Variants in TMCC1 observed in about 807,000 individuals in gnomAD.
The protein encoded by TMCC1 is transmembrane and coiled-coil domain family 1.
Under a neutral mutation model 52.4 loss-of-function variants are expected in TMCC1, and 15 were observed. The observed-to-expected ratio is 0.29, with a 90% CI of 0.19 to 0.44. The LOEUF (loss-of-function observed/expected upper bound fraction) is 0.44. TMCC1 is among the 20% of genes least tolerant of loss of function. The probability of loss-of-function intolerance (pLI) is 1.00; values close to 1 mark genes in which losing one functional copy is unlikely to be tolerated. For missense variants in TMCC1, 503 were observed against 806.0 expected, an observed-to-expected ratio of 0.62 and a Z score of 4.55; for synonymous variants, 279 against 301.9, an observed-to-expected ratio of 0.92 and a Z score of 0.79.
chr3:129,833,743 AT>A (rs935045288), intron 2 of TMCC1, among the ~76,000 whole-genome samples: 12 of 152,174 alleles, frequency 7.9e-5, no homozygotes, highest in Admixed American at 5.9e-4. Context: ...CCAAAAAAAA[AT>A]GTTTTTATTA....
chr3:129,823,643 C>CAAACAAAA (rs1448885525), intron 4 of TMCC1, among the ~76,000 whole-genome samples: 5 of 151,958 alleles, frequency 3.3e-5, no homozygotes, highest in Non-Finnish European at 7.4e-5. Context: ...AACAAACAAA[C>CAAACAAAA]AAACAAAAAA....
chr3:129,716,752 G>A (rs77508678), intron 4 of TMCC1, among the ~76,000 whole-genome samples: 4,518 of 152,084 alleles, frequency 0.03, 98 homozygotes, highest in Middle Eastern at 0.054. Context: ...TCTCCACTGC[G>A]TGCCATTCAT....
chr3:129,702,994 C>G (rs2047955015), intron 4 of TMCC1, among the ~76,000 whole-genome samples: 1 of 152,132 alleles, frequency 6.6e-6, no homozygotes, highest in African/African-American at 2.4e-5. Flanking sequence ...CCAGCCTGAG[C>G]AACAGAGCGA....
intron 4 of TMCC1, among the ~76,000 whole-genome samples, chr3:129,815,797 A>C (rs893247604): frequency 6.6e-6 from 1 of 152,216 alleles, no homozygotes; most frequent in Admixed American, 6.6e-5. Flanking sequence ...AACAATCAAC[A>C]AAGTGAAAAG....
At chr3:129,737,045 A>C (rs537784881) in intron 4 of TMCC1, among the ~76,000 whole-genome samples, 1 of 152,320 alleles carries the variant, frequency 6.6e-6, no homozygotes, top group East Asian at 1.9e-4. Context: ...TATGATCTGC[A>C]TGTCTCCCCA....
In TMCC1 at chr3:129,797,041, A is replaced by T. The variant is rs1365943956; in HGVS notation, c.576+30762T>A. Among the ~76,000 whole-genome samples the T allele has an allele frequency of 2.0e-5, 3 of 152,008 alleles. No individual in the cohort carries two copies. The South Asian group carries it at 6.2e-4, about 32-fold the overall frequency. The stretch of plus-strand genomic sequence containing the variant: ...AAATTTTACCTAAAAAATAACACAC[A>T]TAGGCCAGGCGCGGTGGCTCACGCC... On this transcript the variant is annotated intron_variant, in intron 4 of 6. Coordinates refer to ENST00000393238, the MANE Select transcript of TMCC1 (RefSeq NM_001017395.5).
intron 5 of TMCC1, among the ~76,000 whole-genome samples, chr3:129,655,825 C>T (rs2086632382): frequency 1.3e-5 from 2 of 152,152 alleles, no homozygotes; most frequent in Admixed American, 6.5e-5. Flanking sequence ...TGCCGGTGAT[C>T]GCCTGCCTTG....
intron 4 of TMCC1, among the ~76,000 whole-genome samples, chr3:129,796,165 T>G (rs1384151691): frequency 6.6e-6 from 1 of 152,214 alleles, no homozygotes; most frequent in Admixed American, 6.5e-5. Flanking sequence ...TAGCTATGTT[T>G]AGATACACTA....
chr3:129,789,765 C>A (rs1274661317), intron 4 of TMCC1, among the ~76,000 whole-genome samples: 2 of 152,166 alleles, frequency 1.3e-5, no homozygotes, highest in African/African-American at 4.8e-5. Context: ...CAGGCGTGAG[C>A]CACCGTGCCC....
At chr3:129,718,307 C>T (rs553842628) in intron 4 of TMCC1, among the ~76,000 whole-genome samples, 154 of 152,306 alleles carry the variant, frequency 1.0e-3, no homozygotes, top group African/African-American at 3.5e-3. Context: ...TACTGTGCTA[C>T]TGTACAATTT....
chr3:129,651,197 A>T lies in TMCC1; in HGVS notation c.*284T>A. ...TTTAGATTGCCCTTCGGTGTGCTCC[A>T]GATTGTTGGTTCATATTAAAGGACT... On this transcript the variant is annotated 3_prime_UTR_variant, in exon 7 of 7. Coordinates refer to ENST00000393238, the MANE Select transcript of TMCC1 (RefSeq NM_001017395.5). This position sits in a 1 kb window ranked among gnomAD's most constrained non-coding sequence, Gnocchi z 5.1. 2.6e-6 allele frequency: 1 copy of T among 388,592 alleles called. No homozygotes were observed. Among genetic ancestry groups the T allele is most frequent in the Non-Finnish European group, 4.7e-6 (1 of 212,376 alleles). 24.1% of individuals were successfully genotyped at this position (388,592 alleles called of 1,614,324 possible).
chr3:129,653,924 G>T (rs1353881269), intron 6 of TMCC1, among the ~76,000 whole-genome samples: 3 of 152,082 alleles, frequency 2.0e-5, no homozygotes, highest in African/African-American at 7.2e-5. Flanking sequence ...ACATTAATGA[G>T]TCTAATGTTT....
chr3:129,688,972 T>C (rs1169088235), intron 4 of TMCC1, among the ~76,000 whole-genome samples: 2 of 152,160 alleles, frequency 1.3e-5, no homozygotes, highest in Non-Finnish European at 2.9e-5. Flanking sequence ...GTTCAATAAA[T>C]ACAAAGAAAA....
chr3:129,702,845 G>A (rs138708056), intron 4 of TMCC1, among the ~76,000 whole-genome samples: 148 of 152,116 alleles, frequency 9.7e-4, no homozygotes, highest in Non-Finnish European at 1.8e-3. Context: ...GTGAAACCCC[G>A]TCTCCACTAA....
At chr3:129,756,003 C>G (rs2052968833) in intron 4 of TMCC1, among the ~76,000 whole-genome samples, 1 of 150,562 alleles carries the variant, frequency 6.6e-6, no homozygotes, top group Non-Finnish European at 1.5e-5. Flanking sequence ...GAGGCTGATG[C>G]AGGAGAATTG....
At chr3:129,754,078 T>G (rs1337484638) in intron 4 of TMCC1, among the ~76,000 whole-genome samples, 2 of 152,170 alleles carry the variant, frequency 1.3e-5, no homozygotes, top group South Asian at 2.1e-4. Context: ...GGTATTCCTA[T>G]GTACCAGCAA....
intron 2 of TMCC1, among the ~76,000 whole-genome samples, chr3:129,853,922 G>A (rs371789025): frequency 2.6e-5 from 4 of 152,050 alleles, no homozygotes; most frequent in South Asian, 4.1e-4. Flanking sequence ...ATCAAGTTCT[G>A]CTGACTATAT....
chr3:129,711,039 T>A (rs2048642749), intron 4 of TMCC1, among the ~76,000 whole-genome samples: 1 of 152,144 alleles, frequency 6.6e-6, no homozygotes, highest in Non-Finnish European at 1.5e-5. Flanking sequence ...AATTTTTGTA[T>A]TTTTAGTAGA....
chr3:129,879,823 T>C (rs756119009), intron 2 of TMCC1, among the ~76,000 whole-genome samples: 8 of 152,172 alleles, frequency 5.3e-5, no homozygotes, highest in Non-Finnish European at 1.2e-4. Flanking sequence ...CCAGTGTCTA[T>C]GCAGAATGAG....
Sources: allele counts gnomAD v4.1 joint callset (sites outside exome capture counted in the v4.1 genomes callset), GRCh38; gene constraint gnomAD v4.1.1; non-coding constraint Gnocchi (gnomAD v3.1); transcripts MANE v1.5; gene names NCBI Gene and HGNC (gene_info 2026-07-23, HGNC 2026-07-21).